Variants in RABGEF1 observed in about 807,000 individuals in gnomAD.
RABGEF1 encodes the protein rab5 GDP/GTP exchange factor.
Under a neutral mutation model 57.3 loss-of-function variants are expected in RABGEF1, and 26 were observed. The ratio of observed to expected loss-of-function variants is 0.45; its 90% CI spans 0.33 to 0.63. The LOEUF (loss-of-function observed/expected upper bound fraction) is 0.63, where lower values mean the gene tolerates loss of function less well. Ranked by LOEUF, RABGEF1 falls within the 20% of genes least tolerant of loss-of-function variation. The pLI is 0.02. For missense variants in RABGEF1, 464 were observed against 607.6 expected, an observed-to-expected ratio of 0.76 and a Z score of 2.48; for synonymous variants, 185 against 210.7, an observed-to-expected ratio of 0.88 and a Z score of 1.06.
chr7:66,763,562 T>G (rs1427635879), intron 1 of RABGEF1, among the ~76,000 whole-genome samples: 1 of 152,242 alleles, frequency 6.6e-6, no homozygotes, highest in African/African-American at 2.4e-5. Context: ...TTCTCCCTTT[T>G]GAAGTGCACA....
intron 1 of RABGEF1, among the ~76,000 whole-genome samples, chr7:66,751,032 CTT>C (rs765625657): frequency 5.6e-5 from 8 of 142,820 alleles, no homozygotes; most frequent in Non-Finnish European, 3.1e-5. Flanking sequence ...CTCTTTTTTT[CTT>C]TTTTTTTTTT....
chr7:66,684,727 A>G (rs944012403), intron 1 of RABGEF1, among the ~76,000 whole-genome samples: 8 of 152,154 alleles, frequency 5.3e-5, no homozygotes, highest in Admixed American at 6.5e-5. Context: ...CTCCGCCTCC[A>G]GGGTTCATGC....
intron 7 of RABGEF1, among the ~76,000 whole-genome samples, chr7:66,800,746 G>A (rs1201778090): frequency 6.6e-5 from 10 of 152,202 alleles, no homozygotes; most frequent in South Asian, 2.1e-4. Context: ...CCAAGCCACC[G>A]TAGCCTTTAC....
rs552538318 is a variant in RABGEF1 at position 66,688,615 on chromosome 7, C to T, written c.-873+6357C>T. Among the ~76,000 whole-genome samples the T allele has an allele frequency of 1.4e-4, 22 of 152,220 alleles. No homozygotes were observed. In the South Asian group the frequency reaches 4.4e-3, roughly 30 times the overall value. On this transcript the variant is annotated intron_variant and NMD_transcript_variant, in intron 1 of 9. Coordinates refer to the RABGEF1 transcript ENST00000607882. The stretch of plus-strand genomic sequence containing the variant: ...CTAGACATCAGTAACCAGCAAAACT[C>T]GAAAACTCACAAATATATGGAAAGT...
chr7:66,768,707 A>G (rs1390507038), intron 1 of RABGEF1: 4 of 152,242 alleles, frequency 2.6e-5, no homozygotes, highest in Admixed American at 1.3e-4. Flanking sequence ...GGTACGGAAT[A>G]GCGTCAGATC....
At chr7:66,708,015 C>G (rs563351531) in intron 1 of RABGEF1, among the ~76,000 whole-genome samples, 1 of 152,108 alleles carries the variant, frequency 6.6e-6, no homozygotes, top group Non-Finnish European at 1.5e-5. Context: ...ATCCATTCTG[C>G]CAATCTGTGC....
chr7:66,689,640 T>C (rs1283603892), intron 1 of RABGEF1, among the ~76,000 whole-genome samples: 1 of 151,950 alleles, frequency 6.6e-6, no homozygotes, highest in African/African-American at 2.4e-5. Flanking sequence ...CTGTCTCTAC[T>C]AAAAATGTAA....
chr7:66,705,551 A>G (rs1366541466), intron 1 of RABGEF1, among the ~76,000 whole-genome samples: 1 of 151,874 alleles, frequency 6.6e-6, no homozygotes, highest in Non-Finnish European at 1.5e-5. Flanking sequence ...GGAGAAAAGC[A>G]GTAGACTTCT....
At chr7:66,703,431 T>G (rs1236130188) in intron 1 of RABGEF1, among the ~76,000 whole-genome samples, 3 of 152,120 alleles carry the variant, frequency 2.0e-5, no homozygotes, top group African/African-American at 7.2e-5. Context: ...GCTCTCACAG[T>G]TAGGTCTTTT....
chr7:66,783,476 C>T (rs977393515), intron 3 of RABGEF1, among the ~76,000 whole-genome samples, 199 bp from the exon 4 acceptor site: 1 of 152,150 alleles, frequency 6.6e-6, no homozygotes, highest in African/African-American at 2.4e-5. Flanking sequence ...GTAGTTTTGT[C>T]TACTCATACT....
At chr7:66,672,909 ATGTT>A in the RABGEF1 span, among the ~76,000 whole-genome samples, 1 of 150,514 alleles carries the variant, frequency 6.6e-6, no homozygotes, top group African/African-American at 2.4e-5. Context: ...CTATAAAAAG[ATGTT>A]TGTTTGCGGG....
intron 1 of RABGEF1, among the ~76,000 whole-genome samples, chr7:66,760,766 G>T (rs1804122349): frequency 9.1e-6 from 1 of 109,304 alleles, no homozygotes; most frequent in Non-Finnish European, 2.1e-5. Context: ...TAACATAATG[G>T]CTAATACTCA....
chr7:66,784,408 G>A (rs1325295185), intron 4 of RABGEF1, among the ~76,000 whole-genome samples: 1 of 152,216 alleles, frequency 6.6e-6, no homozygotes, highest in Non-Finnish European at 1.5e-5. Context: ...TTTTGCCAAT[G>A]TCAACCAGAA....
chr7:66,739,715 A>G (rs2129045648), upstream of RABGEF1: 1 of 151,972 alleles, frequency 6.6e-6, no homozygotes, highest in Middle Eastern at 3.4e-3. Flanking sequence ...CTGTCCAAGA[A>G]CACTACAGCG....
At chr7:66,724,433 C>T (rs182103449) in intron 2 of RABGEF1, among the ~76,000 whole-genome samples, 2 of 152,062 alleles carry the variant, frequency 1.3e-5, no homozygotes, top group East Asian at 1.9e-4. Context: ...GATCTCGGCT[C>T]ACTGCACCCA....
At chr7:66,659,896 G>A in the RABGEF1 span, among the ~76,000 whole-genome samples, 1 of 151,580 alleles carries the variant, frequency 6.6e-6, no homozygotes, top group Admixed American at 6.6e-5. Flanking sequence ...CAGAATAGGG[G>A]AAACAAAGAT....
chr7:66,681,298 A>C (rs1355810121), upstream of RABGEF1, among the ~76,000 whole-genome samples: 1 of 152,104 alleles, frequency 6.6e-6, no homozygotes, highest in African/African-American at 2.4e-5. Flanking sequence ...TTACATGGGA[A>C]TCACATAAAG....
At chr7:66,806,859 G>C (rs1452589225) in intron 8 of RABGEF1, among the ~76,000 whole-genome samples, 1 of 152,050 alleles carries the variant, frequency 6.6e-6, no homozygotes, top group Non-Finnish European at 1.5e-5. Context: ...GGCCAGGCTG[G>C]TCTCGAACTC....
chr7:66,777,679 G>A (rs1480828644), intron 3 of RABGEF1, among the ~76,000 whole-genome samples: 4 of 152,046 alleles, frequency 2.6e-5, no homozygotes, highest in Non-Finnish European at 2.9e-5. Flanking sequence ...TATAATCCCA[G>A]CTACTTGGAA....
Sources: allele counts gnomAD v4.1 joint callset (sites outside exome capture counted in the v4.1 genomes callset), GRCh38; gene constraint gnomAD v4.1.1; transcripts MANE v1.5; gene names NCBI Gene and HGNC (gene_info 2026-07-23, HGNC 2026-07-21).